Variants in BACH2 observed in about 807,000 individuals in gnomAD.
The protein encoded by BACH2 is BACH transcriptional regulator 2.
Under a neutral mutation model 61.8 loss-of-function variants are expected in BACH2, and 5 were observed. That is an observed-to-expected ratio of 0.08 (90% CI 0.04 to 0.17). The LOEUF (loss-of-function observed/expected upper bound fraction) is 0.17, where lower values mean the gene tolerates loss of function less well. Ranked by LOEUF, BACH2 falls within the 10% of genes least tolerant of loss-of-function variation. BACH2 has a pLI of 1.00. For synonymous variants in BACH2, 446 were observed against 440.1 expected (o/e 1.01, Z -0.17); for missense variants, 824 against 1,091.1 (o/e 0.76, Z 3.45).
At chr6:90,210,268 G>C (rs949370537) in intron 3 of BACH2, among the ~76,000 whole-genome samples, 4 of 151,334 alleles carry the variant, frequency 2.6e-5, no homozygotes, top group Non-Finnish European at 4.4e-5. Context: ...TAAAGCATGT[G>C]AAAGACCAGA....
chr6:89,987,301 A>C (rs1255607628), intron 6 of BACH2, among the ~76,000 whole-genome samples: 1 of 152,182 alleles, frequency 6.6e-6, no homozygotes, highest in East Asian at 1.9e-4. Flanking sequence ...GATGATCCTG[A>C]ACTACACTGA....
intron 5 of BACH2, among the ~76,000 whole-genome samples, chr6:90,072,714 AC>A (rs1781293591): frequency 6.6e-6 from 1 of 152,196 alleles, no homozygotes; most frequent in Non-Finnish European, 1.5e-5. Flanking sequence ...AAAGAAAAAC[AC>A]CTTTCACAAA....
chr6:90,285,194 C>G (rs1217847551), intron 1 of BACH2, among the ~76,000 whole-genome samples: 2 of 152,198 alleles, frequency 1.3e-5, no homozygotes, highest in Non-Finnish European at 2.9e-5. Context: ...TCTGAAAATA[C>G]ATGCTAGCTT....
intron 5 of BACH2, among the ~76,000 whole-genome samples, chr6:90,060,431 C>G (rs1780624593): frequency 6.6e-6 from 1 of 152,102 alleles, no homozygotes; most frequent in South Asian, 2.1e-4. Context: ...AGCTTATCCA[C>G]TAAATTTTTT....
intron 4 of BACH2, among the ~76,000 whole-genome samples, chr6:90,198,659 G>A (rs573734678): frequency 1.3e-5 from 2 of 152,282 alleles, no homozygotes; most frequent in Non-Finnish European, 2.9e-5. Flanking sequence ...CATATGACAC[G>A]GTAGTGGGTG....
At chr6:90,161,236 TAA>T (rs1368072960) in intron 4 of BACH2, among the ~76,000 whole-genome samples, 1 of 152,162 alleles carries the variant, frequency 6.6e-6, no homozygotes, top group Non-Finnish European at 1.5e-5. Flanking sequence ...AGTTTGGGAT[TAA>T]AAAAAGTTAA....
intron 2 of BACH2, among the ~76,000 whole-genome samples, chr6:90,268,160 C>G (rs1318339256): frequency 6.6e-6 from 1 of 151,960 alleles, no homozygotes; most frequent in East Asian, 1.9e-4. Context: ...AGGTGCACAC[C>G]ACCATGCCCA....
chr6:90,294,990 A>T (rs2127895702), intron 1 of BACH2, among the ~76,000 whole-genome samples: 1 of 152,346 alleles, frequency 6.6e-6, no homozygotes, highest in African/African-American at 2.4e-5. Flanking sequence ...TAAAGTAATT[A>T]CCCTTTTTAG....
At chr6:90,196,080 C>T (rs1043087958) in intron 4 of BACH2, among the ~76,000 whole-genome samples, 3 of 150,200 alleles carry the variant, frequency 2.0e-5, no homozygotes, top group South Asian at 2.1e-4. Context: ...ATGAAGGTAG[C>T]GAGAGAATGA....
rs144475031 is a variant in BACH2 at position 90,179,424 on chromosome 6, C to T, written c.-162+27145G>A. ...CTACTGCCCCCTCCTGGTGGCATAA[C>T]CAAAGGTACCTTTCTTTTTCTTAAC... On this transcript the variant is annotated intron_variant, in intron 4 of 8. Transcript: ENST00000257749. Among the ~76,000 whole-genome samples the T allele has an allele frequency of 6.8e-3, 1,042 of 152,276 alleles. 14 individuals are homozygous for T. Among genetic ancestry groups the T allele is most frequent in the African/African-American group, 0.024 (979 of 41,544 alleles).
chr6:90,046,957 G>A (rs1161901560), intron 5 of BACH2, among the ~76,000 whole-genome samples: 1 of 150,014 alleles, frequency 6.7e-6, no homozygotes, highest in East Asian at 1.9e-4. Flanking sequence ...TTGAGACAGA[G>A]ATTCACTACT....
At position 89,929,405 on chromosome 6, in the gene BACH2, A is replaced by G. The variant is rs1377498177; in HGVS notation, c.*3003T>C. 1 of 152,356 alleles carries G rather than the reference A, an allele frequency of 6.6e-6. No individual in the cohort carries two copies. Among genetic ancestry groups the G allele is most frequent in the Non-Finnish European group, 1.5e-5 (1 of 68,044 alleles). 9.4% of individuals were successfully genotyped at this position (152,356 alleles called of 1,614,324 possible). ...CCCAGCAAGTCCTCCCTTTGAATCA[A>G]CCCAGAAATAATTTTGACAAGCACA... On this transcript the variant is annotated 3_prime_UTR_variant, in exon 9 of 9. Transcript: ENST00000257749.
intron 4 of BACH2, among the ~76,000 whole-genome samples, chr6:90,151,774 T>C (rs1784820928): frequency 1.3e-5 from 2 of 152,242 alleles, no homozygotes; most frequent in South Asian, 4.1e-4. Context: ...AACTTCCTTA[T>C]GGCTTTTCAG....
chr6:90,092,291 A>ATAT (rs1554244308), intron 4 of BACH2, among the ~76,000 whole-genome samples: 1 of 113,842 alleles, frequency 8.8e-6, no homozygotes, highest in Non-Finnish European at 1.7e-5. Flanking sequence ...AAAAAAAAAA[A>ATAT]ATATATATAT....
Position 89,950,356 on chromosome 6 carries a change from A to G in BACH2, c.1750T>C (p.Ser584Pro). Residue 584 changes from serine to proline, a missense_variant, in exon 7 of 9, where the codon TCT becomes CCT. Transcript: ENST00000257749. This position sits in a 1 kb window ranked among gnomAD's most constrained non-coding sequence, Gnocchi z 5.3. ...QVRPQIKCEQSYGTNSSDESG... is the reference protein window; with the variant it reads ...QVRPQIKCEQPYGTNSSDESG... ...TCGTCACTGGAGTTGGTTCCATAAG[A>G]CTGCTCACATTTAATTTGGGGCCGC... 1.2e-6 allele frequency: 2 copies of G among 1,613,970 alleles called. No individual in the cohort carries two copies. The highest frequency in any genetic ancestry group is 1.7e-6 in the Non-Finnish European group (2 of 1,180,010).
chr6:90,216,515 G>A (rs1457980553), intron 3 of BACH2, among the ~76,000 whole-genome samples: 1 of 152,210 alleles, frequency 6.6e-6, no homozygotes, highest in East Asian at 1.9e-4. Flanking sequence ...CACTGTAAGG[G>A]AGTCCTGAGG....
intron 2 of BACH2, among the ~76,000 whole-genome samples, chr6:90,255,645 A>G (rs1009359717): frequency 2.6e-5 from 4 of 152,222 alleles, no homozygotes; most frequent in Admixed American, 6.5e-5. Flanking sequence ...TGCAAAAGCA[A>G]AAAATGTAAT....
At chr6:90,241,153 G>A (rs1222397836) in intron 3 of BACH2, among the ~76,000 whole-genome samples, 1 of 149,160 alleles carries the variant, frequency 6.7e-6, no homozygotes, top group African/African-American at 2.5e-5. Context: ...AAAAAAAAGA[G>A]TTGACTAAAA....
At chr6:90,065,393 C>T (rs1051402608) in intron 5 of BACH2, among the ~76,000 whole-genome samples, 1 of 150,646 alleles carries the variant, frequency 6.6e-6, no homozygotes, top group African/African-American at 2.4e-5. Context: ...GGGGAGGCCT[C>T]CCCAGACCAA....
Sources: gnomAD v4.1 joint callset for allele counts (sites outside exome capture counted in the v4.1 genomes callset) on GRCh38, gnomAD v4.1.1 for gene constraint, Gnocchi (gnomAD v3.1) non-coding constraint, MANE v1.5 for transcripts, NCBI Gene and HGNC (gene_info 2026-07-23, HGNC 2026-07-21) for gene names.